TRPS1: variants seen among roughly 807,000 people sequenced by gnomAD.
TRPS1 encodes the protein zinc finger transcription factor Trps1.
TRPS1 carries 6 observed loss-of-function variants against 101.2 expected under a neutral mutation model. The observed-to-expected ratio is 0.06, with a 90% CI of 0.03 to 0.12. The LOEUF is 0.12. TRPS1 is among the 10% of genes least tolerant of loss of function. The pLI is 1.00. For synonymous variants in TRPS1, 578 were observed against 589.8 expected, an observed-to-expected ratio of 0.98 and a Z score of 0.29; for missense variants, 1,363 against 1,567.0, an observed-to-expected ratio of 0.87 and a Z score of 2.20.
At chr8:115,453,349 A>G (rs911716356) in intron 5 of TRPS1, among the ~76,000 whole-genome samples, 2 of 152,274 alleles carry the variant, frequency 1.3e-5, no homozygotes, top group Admixed American at 6.5e-5. Context: ...CTAAAGTTGG[A>G]TAGAGTCAGC....
chr8:115,437,292 C>T, intron 5 of TRPS1, among the ~76,000 whole-genome samples: 1 of 152,174 alleles, frequency 6.6e-6, no homozygotes. Flanking sequence ...GCAGGGATAC[C>T]CCCATGACGG....
chr8:115,515,345 G>A, intron 5 of TRPS1: 8 of 678,320 alleles, frequency 1.2e-5, no homozygotes, highest in Non-Finnish European at 1.9e-5. Context: ...ATTTAATGTG[G>A]AAAGAATTTA....
intron 5 of TRPS1, among the ~76,000 whole-genome samples, chr8:115,575,759 C>A (rs1483834977): frequency 6.6e-6 from 1 of 152,024 alleles, no homozygotes; most frequent in Non-Finnish European, 1.5e-5. Flanking sequence ...TCTGAAGGAA[C>A]ATAAAGAACA....
chr8:115,561,733 A>C (rs1429246246), intron 5 of TRPS1, among the ~76,000 whole-genome samples: 1 of 152,042 alleles, frequency 6.6e-6, no homozygotes, highest in Non-Finnish European at 1.5e-5. Context: ...CTACGAATGC[A>C]TGCAAGAAAA....
At chr8:115,515,700 T>A (rs1815693724) in intron 5 of TRPS1, among the ~76,000 whole-genome samples, 1 of 151,486 alleles carries the variant, frequency 6.6e-6, no homozygotes, top group African/African-American at 2.4e-5. Context: ...TAAAAGAGAA[T>A]ATGCATAACT....
intron 5 of TRPS1, among the ~76,000 whole-genome samples, chr8:115,447,693 AAATGTCAGC>A (rs1813772522): frequency 6.6e-6 from 1 of 152,162 alleles, no homozygotes; most frequent in Non-Finnish European, 1.5e-5. Flanking sequence ...ATATAATATG[AAATGTCAGC>A]AATACCATTC....
At chr8:115,667,829 C>A in intron 1 of TRPS1, 1 of 1,534,832 alleles carries the variant, frequency 6.5e-7, no homozygotes, top group Non-Finnish European at 8.7e-7. Flanking sequence ...ATACGGAGGC[C>A]CGTCTCTGAG....
At chr8:115,448,981 A>T (rs906907835) in intron 5 of TRPS1, among the ~76,000 whole-genome samples, 6 of 152,234 alleles carry the variant, frequency 3.9e-5, no homozygotes, top group Non-Finnish European at 8.8e-5. Flanking sequence ...CCTTTGCTGT[A>T]GGAAAAACAC....
At position 115,441,896 on chromosome 8, in the gene TRPS1, A is replaced by AGT. The variant is rs1459432091; in HGVS notation, c.2701-23445_2701-23444insAC. ...GAGAGAGAGAGAGAGAGAGAGAGAG[A>AGT]GAGTGTGTGTGTGTGTGTGTGTGTG... On this transcript the variant is annotated intron_variant, in intron 5 of 6. Transcript: ENST00000395715. Among the ~76,000 whole-genome samples the AGT allele has an allele frequency of 7.8e-3, 1,041 of 133,166 alleles. 4 individuals are homozygous for AGT. The highest frequency in any genetic ancestry group is 0.015 in the African/African-American group (490 of 33,712). 87.4% of individuals were successfully genotyped at this position (133,166 alleles called of 152,430 possible).
chr8:115,605,027 T>C, intron 3 of TRPS1, 25 bp from the exon 4 acceptor site: 1 of 1,609,438 alleles, frequency 6.2e-7, no homozygotes, highest in Non-Finnish European at 8.5e-7. Flanking sequence ...AAATGGACTT[T>C]ACTTCCAAGG....
chr8:115,508,240 C>G (rs1815494838), intron 5 of TRPS1, among the ~76,000 whole-genome samples: 1 of 152,042 alleles, frequency 6.6e-6, no homozygotes, highest in African/African-American at 2.4e-5. Flanking sequence ...ATGTATATCA[C>G]AAATATAATG....
chr8:115,463,371 T>C (rs1450357298), intron 5 of TRPS1, among the ~76,000 whole-genome samples: 1 of 152,222 alleles, frequency 6.6e-6, no homozygotes, highest in Non-Finnish European at 1.5e-5. Flanking sequence ...TTCTGAGATA[T>C]TTATTTTATC....
rs763071170 is a variant in TRPS1, at chr8:115,604,748, C to T, written c.1221G>A (p.Leu407=). 9 of 1,613,788 alleles carry T rather than the reference C, an allele frequency of 5.6e-6. No individual in the cohort carries two copies. The highest frequency in any genetic ancestry group is 1.7e-4 in the Middle Eastern group (1 of 6,060). The change falls in exon 4 of 7, where the codon TTG becomes TTA. Residue 407 remains leucine (L), a synonymous_variant. Transcript: ENST00000395715. This position sits in a 1 kb window ranked among gnomAD's most constrained non-coding sequence, Gnocchi z 4.1. The stretch of plus-strand genomic sequence containing the variant: ...CTGTTATCTTGTCCTGCCATTTTCC[C>T]AAGTCTCCAGAATCACTGGATTGAA... ...PALQSSDSGD[L]GKWQDKITVK... is the part of the protein sequence containing the mutation.
At position 115,637,207 on chromosome 8, in the gene TRPS1, A is replaced by C. The variant is rs142481792; in HGVS notation, c.-121-13449T>G. On this transcript the variant is annotated intron_variant, in intron 1 of 6. Transcript: ENST00000395715. Reference sequence around the variant, plus strand: ...TAACATATGTCAAGAAACAGAGAAGAAGCTAGGTTTAAACCAAATGGCTCA... The same window carrying C: ...TAACATATGTCAAGAAACAGAGAAGCAGCTAGGTTTAAACCAAATGGCTCA... 3.3e-5 allele frequency: 32 copies of C among 958,800 alleles called. No individual in the cohort carries two copies. In the East Asian group the frequency reaches 5.8e-4, roughly 17 times the overall value. 59.4% of individuals were successfully genotyped at this position (958,800 alleles called of 1,614,324 possible). A position where few individuals can be genotyped will look rare whatever the true frequency, so the allele number is the denominator to read the frequency against.
At chr8:115,548,059 A>G (rs1393444128) in intron 5 of TRPS1, among the ~76,000 whole-genome samples, 2 of 150,646 alleles carry the variant, frequency 1.3e-5, no homozygotes, top group African/African-American at 4.9e-5. Context: ...GTGAAACACC[A>G]TCTCTACATA....
At chr8:115,464,781 T>G (rs1814277091) in intron 5 of TRPS1, among the ~76,000 whole-genome samples, 1 of 152,146 alleles carries the variant, frequency 6.6e-6, no homozygotes, top group Non-Finnish European at 1.5e-5. Flanking sequence ...ACATCATTTG[T>G]GTGCCTTAAA....
rs1165553574 is a variant in TRPS1 at position 115,413,511 on chromosome 8, A to T, written c.*512T>A. 2 of 153,166 alleles carry T rather than the reference A, an allele frequency of 1.3e-5. No homozygotes were observed. The highest frequency in any genetic ancestry group is 2.9e-5 in the Non-Finnish European group (2 of 68,532). 9.5% of individuals were successfully genotyped at this position (153,166 alleles called of 1,614,324 possible). A position where few individuals can be genotyped will look rare whatever the true frequency, so the allele number is the denominator to read the frequency against. ...GCCAATGAGAGAAGACTAAATTGAG[A>T]GGGCGCCATTTTTCTTTCATTGCCC... On this transcript the variant is annotated 3_prime_UTR_variant, in exon 7 of 7. Coordinates refer to ENST00000395715, the MANE Select transcript of TRPS1 (RefSeq NM_014112.5).
rs755990611 is a variant in TRPS1, at chr8:115,409,261, G to GAAAAAAAAAAAAAAA, written c.*4747_*4761dup. On this transcript the variant is annotated 3_prime_UTR_variant, in exon 7 of 7. Transcript: ENST00000395715. The stretch of plus-strand genomic sequence containing the variant: ...TGATATGCTGCAGTTTATATGTTGG[G>GAAAAAAAAAAAAAAA]AAAAAAAAAAAAAAAAAAAACAGGG... 1 of 102,262 alleles carries GAAAAAAAAAAAAAAA rather than the reference G, an allele frequency of 9.8e-6. No individual in the cohort carries two copies. The highest frequency in any genetic ancestry group is 4.0e-5 in the African/African-American group (1 of 24,726). 6.3% of individuals were successfully genotyped at this position (102,262 alleles called of 1,614,324 possible). A position where few individuals can be genotyped will look rare whatever the true frequency, so the allele number is the denominator to read the frequency against.
chr8:115,498,405 C>CTATA (rs1815210805), intron 5 of TRPS1, among the ~76,000 whole-genome samples: 1 of 85,670 alleles, frequency 1.2e-5, no homozygotes, highest in Non-Finnish European at 2.1e-5. Flanking sequence ...CTCTCTCTCT[C>CTATA]TCTCTCTCTC....
Sources: allele counts gnomAD v4.1 joint callset (sites outside exome capture counted in the v4.1 genomes callset), GRCh38; gene constraint gnomAD v4.1.1; non-coding constraint Gnocchi (gnomAD v3.1); transcripts MANE v1.5; gene names NCBI Gene and HGNC (gene_info 2026-07-23, HGNC 2026-07-21).